The following MYO9B variants were observed in gnomAD, a reference collection of about 807,000 sequenced individuals.
The protein encoded by MYO9B is myosin IXB, also known as unconventional myosin-IXb.
Under a neutral mutation model 229.5 loss-of-function variants are expected in MYO9B, and 71 were observed. The observed-to-expected ratio is 0.31, with a 90% confidence interval of 0.26 to 0.38. The LOEUF (loss-of-function observed/expected upper bound fraction) is 0.38. Ranked by LOEUF, MYO9B falls within the 10% of genes least tolerant of loss-of-function variation. The pLI, the probability that MYO9B is intolerant of heterozygous loss-of-function variation, is 1.00. For synonymous variants in MYO9B, 1,185 were observed against 1,235.8 expected, an observed-to-expected ratio of 0.96 and a Z score of 0.86; for missense variants, 2,255 against 2,920.5, an observed-to-expected ratio of 0.77 and a Z score of 5.25.
chr19:17,181,082 G>T (rs368767573), intron 15 of MYO9B, 42 bp downstream of exon 15: 2 of 1,408,654 alleles, frequency 1.4e-6, no homozygotes, highest in African/African-American at 2.9e-5. Flanking sequence ...TGCGACAACC[G>T]CCTCCCACTA....
In MYO9B at chr19:17,195,218, C is replaced by T. The variant is rs1351155466; in HGVS notation, c.3791C>T (p.Ala1264Val). Residue 1264 changes from alanine (A) to valine (V), a missense_variant, in exon 22 of 40, where the codon GCC (alanine) becomes GTC (valine). This residue lies in a region of MYO9B where 679 missense variants were observed against 770.2 expected (regional missense o/e 0.88). Coordinates refer to ENST00000682292, the MANE Select transcript of MYO9B (RefSeq NM_004145.4). The surrounding 1 kb of genome is among the most constrained non-coding windows in gnomAD (Gnocchi z 4.5). Reference sequence around the variant, plus strand: ...CTGGACAGCAGGGTCAGCCCACCGGCCCCTGGCAGCGCCCCCGAGACCCCC... The same window carrying T: ...CTGGACAGCAGGGTCAGCCCACCGGTCCCTGGCAGCGCCCCCGAGACCCCC... ...LALDSRVSPP[A>V]PGSAPETPED... 1.2e-6 allele frequency: 2 copies of T among 1,610,408 alleles called. No individual in the cohort carries two copies. Among genetic ancestry groups the T allele is most frequent in the African/African-American group, 1.3e-5 (1 of 74,404 alleles).
intron 2 of MYO9B, among the ~76,000 whole-genome samples, chr19:17,118,159 C>A (rs917729088): frequency 3.9e-5 from 6 of 151,984 alleles, no homozygotes; most frequent in Non-Finnish European, 8.8e-5. Context: ...GACGGCCCCC[C>A]TCTTTAAAGA....
chr19:17,078,208 C>T (rs145727523), intron 1 of MYO9B, among the ~76,000 whole-genome samples: 175 of 152,266 alleles, frequency 1.1e-3, no homozygotes, highest in Non-Finnish European at 2.1e-3. Context: ...AGGACGGACA[C>T]GCTAATGCCC....
chr19:17,152,550 G>A (rs1411119807), intron 3 of MYO9B, 94 bp from the exon 4 acceptor site: 10 of 982,096 alleles, frequency 1.0e-5, no homozygotes, highest in African/African-American at 1.7e-5. Context: ...ACAACAGAGC[G>A]AGACTCCCAT....
chr19:17,202,149 G>A lies in MYO9B; in HGVS notation c.4682G>A (p.Gly1561Asp). The change falls in exon 28 of 40, where the codon GGC becomes GAC. Residue 1561 changes from glycine to aspartate, a missense_variant. Around this residue, in one of 7 missense-constraint regions of MYO9B, gnomAD observed 416 missense variants for 605.5 expected, o/e 0.69. Coordinates refer to ENST00000682292, the MANE Select transcript of MYO9B (RefSeq NM_004145.4). ...YSVPNGKIHV[G>D]YKDLMENYQI... ...CTACAGAACGGGAAGATCCACGTGG[G>A]CTACAAGGATCTGATGGAGAACTAC... is the stretch of plus-strand genomic sequence containing the variant. The A allele has an allele frequency of 1.2e-6, 2 of 1,613,822 alleles. No homozygotes were observed. Among genetic ancestry groups the A allele is most frequent in the Non-Finnish European group, 1.7e-6 (2 of 1,179,816 alleles).
At chr19:17,082,845 G>T (rs191083888) in intron 1 of MYO9B, among the ~76,000 whole-genome samples, 18 of 152,180 alleles carry the variant, frequency 1.2e-4, no homozygotes, top group African/African-American at 3.4e-4. Flanking sequence ...AGAAGGTAAG[G>T]GTTGGGGTGT....
At chr19:17,194,512 A>G in intron 21 of MYO9B, 44 bp from the exon 22 acceptor site, 1 of 1,590,386 alleles carries the variant, frequency 6.3e-7, no homozygotes, top group Non-Finnish European at 8.6e-7. Context: ...AGGTGGAGGG[A>G]GTGTTTGTTT....
chr19:17,106,546 C>T (rs2057794757), intron 2 of MYO9B, among the ~76,000 whole-genome samples: 1 of 152,256 alleles, frequency 6.6e-6, no homozygotes, highest in Admixed American at 6.5e-5. Context: ...GCCCCAGTGT[C>T]CTCCCAGCAG....
At chr19:17,092,876 A>G (rs1035050632) in intron 1 of MYO9B, among the ~76,000 whole-genome samples, 4 of 152,156 alleles carry the variant, frequency 2.6e-5, no homozygotes, top group Middle Eastern at 3.2e-3. Context: ...CTGTGTTTAT[A>G]TGAGCATGGG....
At chr19:17,200,513 G>A in intron 25 of MYO9B, 87 bp downstream of exon 25, 1 of 1,512,520 alleles carries the variant, frequency 6.6e-7, no homozygotes, top group South Asian at 1.3e-5. Flanking sequence ...GCCTTGAGTT[G>A]GCTGTGGGCC....
chr19:17,198,492 T>C (rs1254217026), intron 24 of MYO9B, among the ~76,000 whole-genome samples, 184 bp downstream of exon 24: 1 of 152,072 alleles, frequency 6.6e-6, no homozygotes, highest in Non-Finnish European at 1.5e-5. Flanking sequence ...CCCAGCACTT[T>C]GGGATGCCGA....
chr19:17,208,199 TGTG>T (rs1354060444), intron 35 of MYO9B, among the ~76,000 whole-genome samples: 3 of 135,028 alleles, frequency 2.2e-5, no homozygotes, highest in African/African-American at 8.4e-5. Flanking sequence ...ACTAGCCAGG[TGTG>T]GTGGCAGGCG....
intron 15 of MYO9B, among the ~76,000 whole-genome samples, chr19:17,182,877 A>G (rs1309479026): frequency 1.3e-5 from 2 of 152,120 alleles, no homozygotes; most frequent in Non-Finnish European, 2.9e-5. Flanking sequence ...GTCTGAGAAC[A>G]CAGGAGCTAT....
At chr19:17,176,784 T>C (rs750940190) in intron 14 of MYO9B, among the ~76,000 whole-genome samples, 45 of 152,182 alleles carry the variant, frequency 3.0e-4, no homozygotes, top group Non-Finnish European at 4.4e-4. Flanking sequence ...AGTTACTTCA[T>C]TCACAGTCAG....
chr19:17,171,403 GA>G (rs780103412), intron 11 of MYO9B, among the ~76,000 whole-genome samples: 1 of 152,024 alleles, frequency 6.6e-6, no homozygotes, highest in African/African-American at 2.4e-5. Context: ...TCCAACTGTG[GA>G]GCAGGAGAAG....
chr19:17,185,102 G>C, intron 17 of MYO9B, 115 bp downstream of exon 17: 1 of 1,477,682 alleles, frequency 6.8e-7, no homozygotes. Context: ...TTGGCCGGGC[G>C]CGGTGGCTCA....
Position 17,212,820 on chromosome 19 carries a change from TGA to T in MYO9B, c.*514_*515del, listed in dbSNP as rs958102591. 2 of 152,918 alleles carry T rather than the reference TGA, an allele frequency of 1.3e-5. No individual in the cohort carries two copies. The highest frequency in any genetic ancestry group is 4.8e-5 in the African/African-American group (2 of 41,460). 9.5% of individuals were successfully genotyped at this position (152,918 alleles called of 1,614,324 possible). ...GTGGCCAATGGGCTGGGACCCTCCA[TGA>T]GAGTTTTGGACACTTGGGTCACCTG... is the stretch of plus-strand genomic sequence containing the variant. On this transcript the variant is annotated 3_prime_UTR_variant, in exon 40 of 40. Transcript: ENST00000682292. The surrounding 1 kb of genome is among the most constrained non-coding windows in gnomAD (Gnocchi z 5.4).
chr19:17,206,612 TTGG>T (rs930851911), intron 33 of MYO9B, 64 bp from the exon 34 acceptor site: 94 of 1,418,280 alleles, frequency 6.6e-5, no homozygotes, highest in African/African-American at 2.0e-4. Flanking sequence ...TCAGGTCGTG[TTGG>T]TGGGGACAAC....
intron 22 of MYO9B, among the ~76,000 whole-genome samples, chr19:17,197,142 T>C (rs1456776078): frequency 6.6e-6 from 1 of 151,998 alleles, no homozygotes; most frequent in African/African-American, 2.4e-5. Flanking sequence ...CTGGATGTGT[T>C]GGCGCATGCC....
Sources: allele counts gnomAD v4.1 joint callset (sites outside exome capture counted in the v4.1 genomes callset), GRCh38; gene constraint gnomAD v4.1.1; regional missense constraint gnomAD v4.1.1; non-coding constraint Gnocchi (gnomAD v3.1); transcripts MANE v1.5; gene names NCBI Gene and HGNC (gene_info 2026-07-23, HGNC 2026-07-21).